Variants in WDR49 observed in about 807,000 individuals in gnomAD.
WDR49 encodes cilia- and flagella-associated protein 337.
In WDR49, 107 loss-of-function variants were observed where a neutral mutation model predicts 119.5. The ratio of observed to expected loss-of-function variants is 0.90; its 90% confidence interval spans 0.77 to 1.05. The LOEUF is 1.05. Among genes scored for constraint, WDR49 ranks in the 50% least tolerant of loss-of-function variants. WDR49 has a pLI of 0.00. For missense variants in WDR49, 1,240 were observed against 1,220.5 expected (o/e 1.02, Z -0.24); for synonymous variants, 425 against 418.8 (o/e 1.01, Z -0.18).
chr3:167,564,240 G>A (rs1009983905), intron 8 of WDR49, among the ~76,000 whole-genome samples: 1 of 152,072 alleles, frequency 6.6e-6, no homozygotes, highest in South Asian at 2.1e-4. Flanking sequence ...TATGGCAGTC[G>A]GCCTCACGGT....
chr3:167,522,259 A>G (rs1752477515), intron 16 of WDR49, 56 bp downstream of exon 16: 1 of 1,480,376 alleles, frequency 6.8e-7, no homozygotes, highest in South Asian at 1.4e-5. Flanking sequence ...GACCAATCTT[A>G]TCTATGTCTT....
Position 167,565,414 on chromosome 3 carries a change from T to C in WDR49, c.1510-5186A>G, listed in dbSNP as rs1391468844. Among the ~76,000 whole-genome samples, 3 of 137,538 alleles carry C rather than the reference T, an allele frequency of 2.2e-5. No individual in the cohort carries two copies. In the East Asian group the frequency reaches 6.9e-4, roughly 32 times the overall value. The allele number at this position is 137,538 out of a possible 152,430, so 90.2% of individuals were successfully genotyped here. The stretch of plus-strand genomic sequence containing the variant: ...ACACACACACACACACACACACACT[T>C]ATATGTAAAATGCATGTGTATATAT... On this transcript the variant is annotated intron_variant, in intron 8 of 18. Coordinates refer to ENST00000682715, the MANE Select transcript of WDR49 (RefSeq NM_001366157.1).
chr3:167,566,607 G>T (rs1023287932), intron 8 of WDR49, among the ~76,000 whole-genome samples: 2 of 152,056 alleles, frequency 1.3e-5, no homozygotes, highest in African/African-American at 4.8e-5. Flanking sequence ...GGTTAGAGAT[G>T]CCTACCTGCC....
chr3:167,540,924 CA>C (rs1711777937), intron 10 of WDR49, among the ~76,000 whole-genome samples: 1 of 151,676 alleles, frequency 6.6e-6, no homozygotes, highest in Non-Finnish European at 1.5e-5. Context: ...AAAGTTTCAA[CA>C]ATAGAATCAA....
intron 14 of WDR49, among the ~76,000 whole-genome samples, chr3:167,528,412 T>C (rs1397276137): frequency 6.6e-6 from 1 of 151,808 alleles, no homozygotes; most frequent in African/African-American, 2.4e-5. Flanking sequence ...GTAACAATAA[T>C]GTTAAATGAA....
rs58768050 is a variant in WDR49 at position 167,501,867 on chromosome 3, TA to T, written c.2885-1569del. On this transcript the variant is annotated intron_variant, in intron 17 of 18. Coordinates refer to ENST00000682715, the MANE Select transcript of WDR49 (RefSeq NM_001366157.1). ...TATTCATCTTCATTTCTTAAATACT[TA>T]AGGGAAAGAATAAAAATTCTGGTGC... 9.1e-4 allele frequency among the ~76,000 whole-genome samples: 139 copies of T among 152,306 alleles called. 1 individual carries two copies. The highest frequency in any genetic ancestry group is 3.0e-3 in the African/African-American group (124 of 41,570).
intron 2 of WDR49, among the ~76,000 whole-genome samples, chr3:167,631,022 CACA>C (rs147857451): frequency 0.012 from 1,870 of 151,690 alleles, 31 homozygotes; most frequent in African/African-American, 0.043. Flanking sequence ...CAACAATAAG[CACA>C]ACATGTGAAA....
chr3:167,615,451 A>T (rs1716549992), intron 5 of WDR49, among the ~76,000 whole-genome samples: 1 of 151,740 alleles, frequency 6.6e-6, no homozygotes, highest in Admixed American at 6.6e-5. Flanking sequence ...TTTAAAAAAA[A>T]AAAAAAAAAA....
At chr3:167,568,127 G>A (rs931931132) in intron 8 of WDR49, among the ~76,000 whole-genome samples, 4 of 152,036 alleles carry the variant, frequency 2.6e-5, no homozygotes, top group African/African-American at 9.7e-5. Context: ...TCAGAACAAA[G>A]GCATTTTCAT....
chr3:167,542,172 T>C (rs115308304), intron 10 of WDR49, among the ~76,000 whole-genome samples: 3,568 of 152,194 alleles, frequency 0.023, 79 homozygotes, highest in South Asian at 0.042. Flanking sequence ...ATGAGATAGA[T>C]GGCAACACAG....
At chr3:167,531,034 T>C (rs1453273577) in intron 13 of WDR49, 81 bp downstream of exon 13, 3 of 1,448,190 alleles carry the variant, frequency 2.1e-6, no homozygotes, top group Non-Finnish European at 2.8e-6. Context: ...AGTCAAATTC[T>C]ACAAGATCTA....
chr3:167,572,061 C>T (rs80077768), intron 8 of WDR49, among the ~76,000 whole-genome samples: 8,842 of 152,104 alleles, frequency 0.058, 692 homozygotes, highest in African/African-American at 0.17. Context: ...CATGAGTGTT[C>T]TTTTGTTTTC....
chr3:167,624,509 G>C (rs187347069), intron 3 of WDR49, among the ~76,000 whole-genome samples: 126 of 152,100 alleles, frequency 8.3e-4, no homozygotes, highest in Middle Eastern at 3.4e-3. Flanking sequence ...AAATTTTTGA[G>C]GGTGATTAAT....
At chr3:167,653,210 G>T in intron 2 of WDR49, 51 bp downstream of exon 2, 1 of 1,519,808 alleles carries the variant, frequency 6.6e-7, no homozygotes, top group Non-Finnish European at 8.8e-7. Context: ...TTTCATTCTA[G>T]GCTCCTTCAT....
At chr3:167,636,604 C>G (rs1419024108) in intron 2 of WDR49, among the ~76,000 whole-genome samples, 1 of 151,694 alleles carries the variant, frequency 6.6e-6, no homozygotes, top group African/African-American at 2.4e-5. Flanking sequence ...GTTTGCATTC[C>G]CACCAGCAAT....
chr3:167,591,600 A>G (rs117416818), intron 7 of WDR49, among the ~76,000 whole-genome samples: 1,748 of 152,258 alleles, frequency 0.011, 43 homozygotes, highest in Admixed American at 0.061. Flanking sequence ...GGGTACACAT[A>G]TATTTACAAT....
At chr3:167,553,167 C>A (rs1435949134) in intron 10 of WDR49, among the ~76,000 whole-genome samples, 1 of 151,944 alleles carries the variant, frequency 6.6e-6, no homozygotes, top group Admixed American at 6.6e-5. Flanking sequence ...ATTTTTAAAT[C>A]CACCAATATA....
chr3:167,629,130 T>C (rs891936416), intron 2 of WDR49, among the ~76,000 whole-genome samples: 13 of 152,062 alleles, frequency 8.5e-5, no homozygotes, highest in African/African-American at 2.9e-4. Context: ...CGTGAGCCTG[T>C]AGTCTTAGTT....
chr3:167,610,035 T>C (rs916740567), intron 5 of WDR49, among the ~76,000 whole-genome samples: 2 of 152,162 alleles, frequency 1.3e-5, no homozygotes, highest in Non-Finnish European at 2.9e-5. Context: ...TGATGCAATA[T>C]CCAGGTATTA....
Sources: allele counts gnomAD v4.1 joint callset (sites outside exome capture counted in the v4.1 genomes callset), GRCh38; gene constraint gnomAD v4.1.1; transcripts MANE v1.5; gene names NCBI Gene and HGNC (gene_info 2026-07-23, HGNC 2026-07-21).